Variants in FYN observed in about 807,000 individuals in gnomAD.
FYN encodes the protein tyrosine-protein kinase Fyn.
Under a neutral mutation model 70.2 loss-of-function variants are expected in FYN, and 10 were observed. That is an observed-to-expected ratio of 0.14 (90% CI 0.09 to 0.24). The LOEUF is 0.24. FYN is among the 10% of genes least tolerant of loss of function. The probability of loss-of-function intolerance (pLI) is 1.00; values close to 1 mark genes in which losing one functional copy is unlikely to be tolerated. For missense variants in FYN, 319 were observed against 673.1 expected (o/e 0.47, Z 5.82); for synonymous variants, 236 against 248.6 (o/e 0.95, Z 0.48).
At chr6:111,687,035 G>T (rs1799037750) in intron 12 of FYN, among the ~76,000 whole-genome samples, 1 of 152,196 alleles carries the variant, frequency 6.6e-6, no homozygotes, top group Admixed American at 6.5e-5. Flanking sequence ...GTGTTAAATG[G>T]CTACTGTGCT....
chr6:111,833,818 C>A (rs1773097423), intron 2 of FYN, among the ~76,000 whole-genome samples: 2 of 152,174 alleles, frequency 1.3e-5, no homozygotes, highest in Non-Finnish European at 1.5e-5. Flanking sequence ...CCCAGAAATT[C>A]TTCCCTTAGG....
intron 3 of FYN, among the ~76,000 whole-genome samples, chr6:111,724,645 G>A (rs1801114554): frequency 6.6e-6 from 1 of 152,210 alleles, no homozygotes; most frequent in Non-Finnish European, 1.5e-5. Context: ...GCAGGCAGAG[G>A]AGGAATGGCA....
intron 2 of FYN, among the ~76,000 whole-genome samples, chr6:111,824,119 C>A (rs1003374486): frequency 6.6e-6 from 1 of 152,294 alleles, no homozygotes; most frequent in Non-Finnish European, 1.5e-5. Flanking sequence ...CTTCTGTGAG[C>A]ACATGGTCTT....
rs201145436 is a variant in FYN, at chr6:111,857,859, A to AC, written c.-122-11231_-122-11230insG. Among the ~76,000 whole-genome samples, 1,045 of 152,216 alleles carry AC rather than the reference A, an allele frequency of 6.9e-3. 9 individuals are homozygous for AC. The highest frequency in any genetic ancestry group is 0.024 in the African/African-American group (978 of 41,518). Reference sequence around the variant, plus strand: ...AGGGAGATTACAGACCATCACAGTGATGGGGAGAGGATTGAGTCTAGGTGC... The same window carrying AC: ...AGGGAGATTACAGACCATCACAGTGACTGGGGAGAGGATTGAGTCTAGGTGC... On this transcript the variant is annotated intron_variant, in intron 1 of 13. Coordinates refer to ENST00000354650, the MANE Select transcript of FYN (RefSeq NM_002037.5).
chr6:111,787,814 C>A (rs1205585304), intron 2 of FYN, among the ~76,000 whole-genome samples: 3 of 152,220 alleles, frequency 2.0e-5, no homozygotes, highest in African/African-American at 4.8e-5. Flanking sequence ...CAGACTTCTT[C>A]CCCTGCAGTG....
chr6:111,829,279 T>A (rs1772936943), intron 2 of FYN, among the ~76,000 whole-genome samples: 1 of 152,194 alleles, frequency 6.6e-6, no homozygotes, highest in Non-Finnish European at 1.5e-5. Context: ...CAGGGTGGTC[T>A]TGAACAAGTA....
chr6:111,736,345 C>T (rs1299164331), intron 3 of FYN, among the ~76,000 whole-genome samples: 4 of 152,124 alleles, frequency 2.6e-5, no homozygotes, highest in South Asian at 4.1e-4. Flanking sequence ...CTTATTTTTT[C>T]AGCAATGACA....
At chr6:111,728,301 AT>A (rs1801282811) in intron 3 of FYN, among the ~76,000 whole-genome samples, 2 of 152,304 alleles carry the variant, frequency 1.3e-5, no homozygotes, top group East Asian at 3.9e-4. Context: ...TTTTTGGACC[AT>A]AGAAAAGCCC....
intron 12 of FYN, among the ~76,000 whole-genome samples, chr6:111,692,959 T>C (rs1484040940): frequency 6.6e-6 from 1 of 151,796 alleles, no homozygotes; most frequent in Non-Finnish European, 1.5e-5. Flanking sequence ...GCACCGGGGG[T>C]GTATGTGTGT....
chr6:111,719,671 G>A (rs1353289314), intron 4 of FYN, 134 bp downstream of exon 4: 8 of 989,340 alleles, frequency 8.1e-6, no homozygotes, highest in Middle Eastern at 3.2e-4. Context: ...CCCTCATCTA[G>A]TAGAGGAGAC....
At chr6:111,704,730 G>A (rs1799993789) in intron 6 of FYN, among the ~76,000 whole-genome samples, 1 of 150,958 alleles carries the variant, frequency 6.6e-6, no homozygotes, top group Non-Finnish European at 1.5e-5. Flanking sequence ...TTCCAGCCTG[G>A]GTGACAGAGC....
At chr6:111,807,030 C>T (rs532103668) in intron 2 of FYN, among the ~76,000 whole-genome samples, 5 of 152,274 alleles carry the variant, frequency 3.3e-5, no homozygotes, top group Admixed American at 3.3e-4. Context: ...TCTGATTTCA[C>T]GTTTCCCTTG....
At chr6:111,817,609 T>G (rs1451164082) in intron 2 of FYN, among the ~76,000 whole-genome samples, 1 of 152,198 alleles carries the variant, frequency 6.6e-6, no homozygotes, top group African/African-American at 2.4e-5. Flanking sequence ...CAAACCCTCA[T>G]GGCCCAAGGA....
At chr6:111,764,229 AAAAGAAAAG>A (rs1803128383) in intron 3 of FYN, among the ~76,000 whole-genome samples, 3 of 114,048 alleles carry the variant, frequency 2.6e-5, no homozygotes, top group Non-Finnish European at 5.1e-5. Context: ...AAAAAAAAAA[AAAAGAAAAG>A]AAAAAAAAAG....
chr6:111,692,881 T>C (rs565977211), intron 12 of FYN, among the ~76,000 whole-genome samples: 178 of 152,342 alleles, frequency 1.2e-3, no homozygotes, highest in Non-Finnish European at 2.1e-3. Flanking sequence ...CATTCCTCTC[T>C]GGACGGCCAG....
At chr6:111,857,286 A>G (rs1018717958) in intron 1 of FYN, among the ~76,000 whole-genome samples, 45 of 152,338 alleles carry the variant, frequency 3.0e-4, no homozygotes, top group Admixed American at 2.0e-4. Context: ...CATTAGAGAA[A>G]GGCTTGAAAT....
At chr6:111,680,803 T>A (rs1322715145) in intron 12 of FYN, among the ~76,000 whole-genome samples, 1 of 152,184 alleles carries the variant, frequency 6.6e-6, no homozygotes, top group African/African-American at 2.4e-5. Context: ...GCAGTAAAAC[T>A]TAGCATATTC....
intron 3 of FYN, among the ~76,000 whole-genome samples, chr6:111,752,306 C>T (rs1802524462): frequency 6.6e-6 from 1 of 152,204 alleles, no homozygotes; most frequent in Admixed American, 6.5e-5. Flanking sequence ...AATGCTCAGC[C>T]CTTGGTGAAT....
chr6:111,817,096 T>C (rs1772513086), intron 2 of FYN, among the ~76,000 whole-genome samples: 1 of 81,412 alleles, frequency 1.2e-5, no homozygotes, highest in Non-Finnish European at 2.0e-5. Context: ...GTGATTAAAA[T>C]AGATTATAGA....
Sources: gnomAD v4.1 joint callset for allele counts (sites outside exome capture counted in the v4.1 genomes callset) on GRCh38, gnomAD v4.1.1 for gene constraint, MANE v1.5 for transcripts, NCBI Gene and HGNC (gene_info 2026-07-23, HGNC 2026-07-21) for gene names.